DPF3: variants seen among roughly 807,000 people sequenced by gnomAD.
DPF3 encodes the protein zinc finger protein DPF3.
In DPF3, 18 loss-of-function variants were observed where a neutral mutation model predicts 56.8. The observed-to-expected ratio is 0.32, with a 90% CI of 0.22 to 0.47. The LOEUF (loss-of-function observed/expected upper bound fraction) is 0.47. Among genes scored for constraint, DPF3 ranks in the 20% least tolerant of loss-of-function variants. DPF3 has a pLI of 1.00. For missense variants in DPF3, 403 were observed against 488.8 expected, an observed-to-expected ratio of 0.82 and a Z score of 1.65; for synonymous variants, 188 against 180.2, an observed-to-expected ratio of 1.04 and a Z score of -0.35.
At chr14:72,829,957 G>A (rs1268412717) in intron 1 of DPF3, among the ~76,000 whole-genome samples, 1 of 152,150 alleles carries the variant, frequency 6.6e-6, no homozygotes, top group African/African-American at 2.4e-5. Flanking sequence ...TGTTGACCAG[G>A]CTGGTTTCAA....
At chr14:72,717,872 T>G (rs1394560543) in intron 5 of DPF3, among the ~76,000 whole-genome samples, 1 of 152,162 alleles carries the variant, frequency 6.6e-6, no homozygotes. Flanking sequence ...CCCTACTTCA[T>G]TCCTCTCTAC....
At chr14:72,794,964 C>T (rs1892576815) in intron 1 of DPF3, among the ~76,000 whole-genome samples, 2 of 152,082 alleles carry the variant, frequency 1.3e-5, no homozygotes, top group Admixed American at 1.3e-4. Flanking sequence ...TCTGACCGTC[C>T]TGTCTCCCTC....
At chr14:72,786,384 G>A (rs1364467726) in intron 1 of DPF3, among the ~76,000 whole-genome samples, 1 of 152,156 alleles carries the variant, frequency 6.6e-6, no homozygotes, top group African/African-American at 2.4e-5. Flanking sequence ...TTCCTCCATC[G>A]TTTATGGCAA....
At chr14:72,672,060 G>GGAC (rs1886708568) in intron 8 of DPF3, among the ~76,000 whole-genome samples, 5 of 133,024 alleles carry the variant, frequency 3.8e-5, no homozygotes, top group African/African-American at 1.6e-4. Context: ...CACACACACA[G>GGAC]ACACACACAC....
chr14:72,748,803 A>C (rs1008413343), intron 3 of DPF3, among the ~76,000 whole-genome samples: 1 of 152,164 alleles, frequency 6.6e-6, no homozygotes, highest in Non-Finnish European at 1.5e-5. Flanking sequence ...GACAAATTCC[A>C]TGTGGTGTTG....
At chr14:72,872,874 G>C (rs1885958720) in intron 1 of DPF3, among the ~76,000 whole-genome samples, 1 of 152,198 alleles carries the variant, frequency 6.6e-6, no homozygotes, top group African/African-American at 2.4e-5. Flanking sequence ...GCCATATGGA[G>C]AAAAATGAAA....
At chr14:72,630,424 C>T (rs1372453399) in intron 8 of DPF3, among the ~76,000 whole-genome samples, 1 of 152,140 alleles carries the variant, frequency 6.6e-6, no homozygotes, top group Non-Finnish European at 1.5e-5. Context: ...GGTTCTAACT[C>T]TTTTCTCCAT....
chr14:72,862,542 T>C (rs1885479918), intron 1 of DPF3, among the ~76,000 whole-genome samples: 1 of 152,184 alleles, frequency 6.6e-6, no homozygotes, highest in Non-Finnish European at 1.5e-5. Context: ...GCCAGAGTGA[T>C]GCTGTAAAAC....
chr14:72,664,979 T>C (rs561017745), intron 8 of DPF3, among the ~76,000 whole-genome samples: 2 of 152,370 alleles, frequency 1.3e-5, no homozygotes, highest in South Asian at 4.1e-4. Flanking sequence ...TGGTGATTTT[T>C]GCCATTTTAC....
chr14:72,627,452 T>C (rs1884900091), intron 9 of DPF3, among the ~76,000 whole-genome samples: 1 of 152,102 alleles, frequency 6.6e-6, no homozygotes, highest in Non-Finnish European at 1.5e-5. Flanking sequence ...CCCTATACTG[T>C]ATTTCCATAT....
intron 3 of DPF3, among the ~76,000 whole-genome samples, chr14:72,737,121 C>T (rs748762407): frequency 1.3e-5 from 2 of 151,380 alleles, no homozygotes; most frequent in African/African-American, 2.4e-5. Flanking sequence ...AAGAAAAAAC[C>T]TCCGAGACAA....
At chr14:72,838,905 A>ATATATATATATATATATATTTTTTTT in intron 1 of DPF3, among the ~76,000 whole-genome samples, 1 of 64,476 alleles carries the variant, frequency 1.6e-5, no homozygotes, top group Non-Finnish European at 2.8e-5. Flanking sequence ...TATCATATAT[A>ATATATATATATATATATATTTTTTTT]TTCTTTTTTT....
intron 8 of DPF3, among the ~76,000 whole-genome samples, chr14:72,644,952 C>T (rs1885673405): frequency 1.3e-5 from 2 of 152,240 alleles, no homozygotes; most frequent in Non-Finnish European, 2.9e-5. Flanking sequence ...TCAACATTGT[C>T]TTCCAATCTG....
intron 6 of DPF3, among the ~76,000 whole-genome samples, chr14:72,699,514 T>C (rs1281669519): frequency 2.4e-5 from 3 of 127,224 alleles, no homozygotes; most frequent in Non-Finnish European, 3.2e-5. Flanking sequence ...AGAGATTCTG[T>C]CTCAAAAAAA....
At chr14:72,689,811 T>C (rs1334954320) in intron 7 of DPF3, among the ~76,000 whole-genome samples, 1 of 151,108 alleles carries the variant, frequency 6.6e-6, no homozygotes, top group East Asian at 1.9e-4. Context: ...AAATTGGGGG[T>C]GGGGGAAAGG....
chr14:72,697,751 T>C (rs1599366089), intron 6 of DPF3, among the ~76,000 whole-genome samples: 1 of 152,106 alleles, frequency 6.6e-6, no homozygotes, highest in East Asian at 1.9e-4. Flanking sequence ...TGTGCAACAA[T>C]GAGGACTTGT....
At chr14:72,780,449 G>T (rs899964788) in intron 1 of DPF3, among the ~76,000 whole-genome samples, 2 of 152,212 alleles carry the variant, frequency 1.3e-5, no homozygotes, top group African/African-American at 4.8e-5. Flanking sequence ...ACAGTACTGG[G>T]AATGTAGAAG....
chr14:72,661,273 T>TA (rs1886199980), intron 8 of DPF3: 1 of 985,298 alleles, frequency 1.0e-6, no homozygotes, highest in Non-Finnish European at 1.2e-6. Flanking sequence ...GGTGATCCCC[T>TA]CCACCAACAG....
intron 1 of DPF3, among the ~76,000 whole-genome samples, chr14:72,830,600 A>G (rs1247578114): frequency 6.6e-6 from 1 of 152,122 alleles, no homozygotes; most frequent in Non-Finnish European, 1.5e-5. Flanking sequence ...GGAGGATTCA[A>G]TGGAATAGAT....
Sources: gnomAD v4.1 joint callset for allele counts (sites outside exome capture counted in the v4.1 genomes callset) on GRCh38, gnomAD v4.1.1 for gene constraint, MANE v1.5 for transcripts, NCBI Gene and HGNC (gene_info 2026-07-23, HGNC 2026-07-21) for gene names.